Variants in NUMA1 observed in about 807,000 individuals in gnomAD.
The protein encoded by NUMA1 is SP-H antigen.
A neutral mutation model predicts 237.1 loss-of-function variants in NUMA1; 62 were observed. The ratio of observed to expected loss-of-function variants is 0.26; its 90% CI spans 0.21 to 0.32. The LOEUF (loss-of-function observed/expected upper bound fraction) is 0.32, where lower values mean the gene tolerates loss of function less well. Ranked by LOEUF, NUMA1 falls within the 10% of genes least tolerant of loss-of-function variation. The pLI, the probability that NUMA1 is intolerant of heterozygous loss-of-function variation, is 1.00. For synonymous variants in NUMA1, 1,028 were observed against 1,066.1 expected (o/e 0.96, Z 0.70); for missense variants, 2,533 against 2,666.5 (o/e 0.95, Z 1.10).
chr11:72,020,377 C>T (rs909892025), intron 8 of NUMA1: 9 of 152,346 alleles, frequency 5.9e-5, no homozygotes, highest in African/African-American at 2.2e-4. Context: ...GGCTAGAACT[C>T]GCCTAGACCT....
chr11:72,029,978 C>T (rs963460808), intron 3 of NUMA1, among the ~76,000 whole-genome samples: 2 of 152,132 alleles, frequency 1.3e-5, no homozygotes, highest in Non-Finnish European at 2.9e-5. Flanking sequence ...TCTTTCCACA[C>T]ATAAAGCTTT....
chr11:72,003,365 ACCAGGGACCAGG>A lies in NUMA1; in HGVS notation c.*150_*161del, dbSNP rs1184164407. 3 of 712,158 alleles carry A rather than the reference ACCAGGGACCAGG, an allele frequency of 4.2e-6. No individual in the cohort carries two copies. Among genetic ancestry groups the A allele is most frequent in the Non-Finnish European group, 7.5e-6 (3 of 398,040 alleles). The allele number at this position is 712,158 out of a possible 1,614,324, so 44.1% of individuals were successfully genotyped here. ...AGCTCCGAGAAGGCGCCAGTGAAGG[ACCAGGGACCAGG>A]CCAGGGTGCGGGCAGGCATCACTGT... On this transcript the variant is annotated 3_prime_UTR_variant, in exon 27 of 27. Transcript: ENST00000393695.
intron 1 of NUMA1, among the ~76,000 whole-genome samples, chr11:72,073,567 C>T (rs1565299005): frequency 6.6e-6 from 1 of 152,122 alleles, no homozygotes; most frequent in African/African-American, 2.4e-5. Context: ...CACTTTTAGC[C>T]AGGGGAGAAC....
chr11:72,010,832 A>G lies in NUMA1; in HGVS notation c.4673T>C (p.Leu1558Pro). Residue 1558 changes from leucine to proline, a missense_variant, in exon 17 of 27, where the codon CTG becomes CCG. Coordinates refer to ENST00000393695, the MANE Select transcript of NUMA1 (RefSeq NM_006185.4). ...CTTGCTGGCTTGGTCAGAGTCAGCC[A>G]GTTTCTTACTCAGTTCTTCCACCTG... is the stretch of plus-strand genomic sequence containing the variant. ...TKQVEELSKK[L>P]ADSDQASKVQ... 6.2e-7 allele frequency: 1 copy of G among 1,613,938 alleles called. No homozygotes were observed. Among genetic ancestry groups the G allele is most frequent in the Non-Finnish European group, 8.5e-7 (1 of 1,179,976 alleles).
chr11:72,038,685 G>C (rs1388322214), intron 2 of NUMA1, among the ~76,000 whole-genome samples: 1 of 151,938 alleles, frequency 6.6e-6, no homozygotes, highest in African/African-American at 2.4e-5. Context: ...CAGTACACTG[G>C]GTGATGCTGA....
intron 2 of NUMA1, among the ~76,000 whole-genome samples, chr11:72,044,587 T>TA (rs1223539791): frequency 1.7e-5 from 1 of 60,480 alleles, no homozygotes; most frequent in Non-Finnish European, 4.0e-5. Flanking sequence ...ATTTAACAGT[T>TA]AACAGGGGTT....
intron 21 of NUMA1, among the ~76,000 whole-genome samples, chr11:72,006,849 G>A (rs1052651387): frequency 6.6e-6 from 1 of 152,192 alleles, no homozygotes; most frequent in East Asian, 1.9e-4. Context: ...CAGTCCACTG[G>A]GCAGCAACAA....
intron 2 of NUMA1, among the ~76,000 whole-genome samples, chr11:72,036,332 T>G (rs888925286): frequency 6.6e-6 from 1 of 152,242 alleles, no homozygotes; most frequent in Non-Finnish European, 1.5e-5. Context: ...TGGATGCTGA[T>G]TTAATGTGAC....
intron 2 of NUMA1, among the ~76,000 whole-genome samples, chr11:72,051,690 A>G (rs1942371725): frequency 6.6e-6 from 1 of 152,116 alleles, no homozygotes. Flanking sequence ...AGCTGGTCTC[A>G]AACTCTTGAG....
At chr11:72,043,563 CT>C (rs1340591350) in intron 2 of NUMA1, among the ~76,000 whole-genome samples, 1 of 140,364 alleles carries the variant, frequency 7.1e-6, no homozygotes, top group Admixed American at 7.4e-5. Context: ...GAGACAGGCT[CT>C]CACTATGTTG....
Position 72,023,234 on chromosome 11 carries a change from T to C in NUMA1, c.209-87A>G. The C allele has an allele frequency of 3.2e-6, 3 of 945,450 alleles. No homozygotes were observed. In the South Asian group the frequency reaches 4.0e-5, roughly 13 times the overall value. 58.6% of individuals were successfully genotyped at this position (945,450 alleles called of 1,614,324 possible). On this transcript the variant is annotated intron_variant, in intron 5 of 26. Coordinates refer to ENST00000393695, the MANE Select transcript of NUMA1 (RefSeq NM_006185.4). Reference sequence around the variant, plus strand: ...GAACACTGAAATCTGGGGAGCAGAATGGCTATCTCTGGTGGGGCTATGAGA... The same window carrying C: ...GAACACTGAAATCTGGGGAGCAGAACGGCTATCTCTGGTGGGGCTATGAGA...
Position 72,008,968 on chromosome 11 carries a change from T to G in NUMA1, c.5057A>C (p.Gln1686Pro). The G allele has an allele frequency of 6.2e-7, 1 of 1,613,954 alleles. No individual in the cohort carries two copies. Among genetic ancestry groups the G allele is most frequent in the Non-Finnish European group, 8.5e-7 (1 of 1,179,966 alleles). Residue 1686 changes from glutamine (Q) to proline (P), a missense_variant and splice_region_variant, in exon 19 of 27, where the codon CAG becomes CCG. By Grantham distance (76) the Gln-to-Pro change is moderately conservative (BLOSUM62 -1). This residue lies in a region of NUMA1 where 795 missense variants were observed against 750.8 expected (regional missense o/e 1.06). Transcript: ENST00000393695. ...TGAGTCTGCCAGCCAAATTCTTACC[T>G]GTGCCTCCAGGCTGCGCACCTGGGC... ...LTAQVRSLEA[Q>P]VAHADQQLRD...
Position 72,006,242 on chromosome 11 carries a change from C to G in NUMA1, c.5485G>C (p.Asp1829His). The G allele has an allele frequency of 6.2e-7, 1 of 1,614,190 alleles. No individual in the cohort carries two copies. The highest frequency in any genetic ancestry group is 8.5e-7 in the Non-Finnish European group (1 of 1,180,022). ...CTGTAGAACGATGAGTTGGCGCTGT[C>G]TGGCTCTTCCACATCTAGCTTCTGG... ...MTKKLDVEEP[D>H]SANSSFYSTR... The change falls in exon 22 of 27, where the codon GAC becomes CAC. Residue 1829 changes from aspartate (D) to histidine (H), a missense_variant. Transcript: ENST00000393695.
chr11:72,016,729 A>T (rs1937830616), intron 13 of NUMA1, 199 bp from the exon 14 acceptor site: 2 of 617,498 alleles, frequency 3.2e-6, no homozygotes, highest in Admixed American at 6.3e-5. Flanking sequence ...TCTAAGGCAC[A>T]ATAAAGTCAT....
At chr11:72,033,986 A>G (rs901378712) in intron 3 of NUMA1, among the ~76,000 whole-genome samples, 12 of 152,060 alleles carry the variant, frequency 7.9e-5, no homozygotes, top group Non-Finnish European at 1.5e-4. Context: ...CATGGCATGT[A>G]CCCCTGTGGT....
intron 2 of NUMA1, among the ~76,000 whole-genome samples, chr11:72,056,159 A>G (rs2136094191): frequency 1.3e-5 from 2 of 152,018 alleles, no homozygotes; most frequent in Admixed American, 1.3e-4. Flanking sequence ...AAGAGAAACA[A>G]CAACAAATAA....
intron 2 of NUMA1, among the ~76,000 whole-genome samples, chr11:72,054,577 T>A (rs1025797361): frequency 6.6e-6 from 1 of 152,180 alleles, no homozygotes; most frequent in East Asian, 1.9e-4. Flanking sequence ...AGAATAAATC[T>A]TTCACGATGT....
chr11:72,054,194 G>A (rs1012301633), intron 2 of NUMA1, among the ~76,000 whole-genome samples: 3 of 152,136 alleles, frequency 2.0e-5, no homozygotes, highest in Middle Eastern at 3.2e-3. Context: ...GGCTGGGCAC[G>A]GTGGCTCACG....
intron 14 of NUMA1, 69 bp downstream of exon 14, chr11:72,016,339 G>A: frequency 6.3e-7 from 1 of 1,591,768 alleles, no homozygotes; most frequent in Non-Finnish European, 8.6e-7. Context: ...AGGAACACCA[G>A]GAACCCAAAT....
Sources: allele counts gnomAD v4.1 joint callset (sites outside exome capture counted in the v4.1 genomes callset), GRCh38; gene constraint gnomAD v4.1.1; regional missense constraint gnomAD v4.1.1; transcripts MANE v1.5; gene names NCBI Gene and HGNC (gene_info 2026-07-23, HGNC 2026-07-21).